PRELID2: variants seen among roughly 807,000 people sequenced by gnomAD.
The protein encoded by PRELID2 is PRELI domain containing 2, also known as PRELI domain-containing protein 2.
In PRELID2, 25 loss-of-function variants were observed where a neutral mutation model predicts 28.4. That is an observed-to-expected ratio of 0.88 (90% CI 0.64 to 1.23). PRELID2 has a LOEUF of 1.23. PRELID2 is among the 50% of genes most tolerant of loss of function. The pLI is 0.00. For synonymous variants in PRELID2, 76 were observed against 71.6 expected, an observed-to-expected ratio of 1.06 and a Z score of -0.31; for missense variants, 201 against 214.4, an observed-to-expected ratio of 0.94 and a Z score of 0.39.
chr5:145,641,717 C>T (rs928842681), intron 1 of PRELID2, among the ~76,000 whole-genome samples: 1 of 152,182 alleles, frequency 6.6e-6, no homozygotes, highest in Non-Finnish European at 1.5e-5. Context: ...TCCCTGTGTT[C>T]CTGTGTTCTC....
At chr5:145,497,646 A>G (rs945506101) in intron 1 of PRELID2, among the ~76,000 whole-genome samples, 3 of 152,198 alleles carry the variant, frequency 2.0e-5, no homozygotes, top group Admixed American at 1.3e-4. Context: ...ACCGATCCAC[A>G]TAGCCATAAA....
At chr5:145,700,890 C>A (rs886965463) in intron 1 of PRELID2, among the ~76,000 whole-genome samples, 1 of 152,298 alleles carries the variant, frequency 6.6e-6, no homozygotes, top group Admixed American at 6.5e-5. Flanking sequence ...CATGGCCATA[C>A]GGACCACAGA....
At chr5:145,258,075 T>A in the PRELID2 span, among the ~76,000 whole-genome samples, 1 of 152,218 alleles carries the variant, frequency 6.6e-6, no homozygotes, top group Non-Finnish European at 1.5e-5. Flanking sequence ...CCTTCCATAA[T>A]TAGAAGCTTC....
the PRELID2 span, among the ~76,000 whole-genome samples, chr5:145,340,919 T>C: frequency 6.0e-5 from 9 of 151,206 alleles, no homozygotes; most frequent in South Asian, 1.7e-3. Flanking sequence ...AGCATCCTAG[T>C]CCCCAGCAAA....
At chr5:145,413,536 T>C in the PRELID2 span, among the ~76,000 whole-genome samples, 3 of 151,984 alleles carry the variant, frequency 2.0e-5, no homozygotes, top group South Asian at 6.2e-4. Flanking sequence ...TGCATGTTGA[T>C]AGCAGCACAA....
intron 1 of PRELID2, among the ~76,000 whole-genome samples, chr5:145,702,519 T>C (rs1165510768): frequency 2.6e-5 from 4 of 152,190 alleles, no homozygotes; most frequent in Non-Finnish European, 5.9e-5. Flanking sequence ...ATGCTTTCTT[T>C]GACATAAATT....
chr5:145,411,608 C>T, the PRELID2 span, among the ~76,000 whole-genome samples: 3 of 152,194 alleles, frequency 2.0e-5, no homozygotes, highest in Non-Finnish European at 4.4e-5. Context: ...CTTTTCCAGG[C>T]ACACAGTGCA....
the PRELID2 span, among the ~76,000 whole-genome samples, chr5:145,242,137 A>G: frequency 1.3e-5 from 2 of 152,046 alleles, no homozygotes; most frequent in Non-Finnish European, 2.9e-5. Flanking sequence ...GTAGAAGGAT[A>G]CCAAAAATGA....
intron 4 of PRELID2, among the ~76,000 whole-genome samples, chr5:145,817,198 A>ATATATATAT (rs1754372530): frequency 8.6e-5 from 6 of 70,080 alleles, no homozygotes; most frequent in Non-Finnish European, 1.6e-4. Flanking sequence ...TTCAAAAAAA[A>ATATATATAT]ATAAATAAAT....
chr5:145,390,971 C>T, the PRELID2 span, among the ~76,000 whole-genome samples: 2 of 152,216 alleles, frequency 1.3e-5, no homozygotes, highest in African/African-American at 2.4e-5. Context: ...TCTCCATTGA[C>T]TCCATGTCTC....
chr5:145,511,357 A>G (rs1297845713), intron 1 of PRELID2, among the ~76,000 whole-genome samples: 4 of 152,242 alleles, frequency 2.6e-5, no homozygotes, highest in African/African-American at 9.6e-5. Flanking sequence ...TCACACTATT[A>G]TATCAGCCCA....
chr5:145,816,898 C>T (rs4334931), intron 4 of PRELID2, among the ~76,000 whole-genome samples: 1 of 151,740 alleles, frequency 6.6e-6, no homozygotes, highest in African/African-American at 2.4e-5. Context: ...CAGTGGATCA[C>T]GCCTGGAATC....
At chr5:145,502,008 G>C (rs1752363641) in intron 1 of PRELID2, among the ~76,000 whole-genome samples, 1 of 152,054 alleles carries the variant, frequency 6.6e-6, no homozygotes, top group African/African-American at 2.4e-5. Flanking sequence ...AAACTGTCTA[G>C]CAGAGGCAGA....
At chr5:145,541,152 G>T (rs958517450) in intron 1 of PRELID2, among the ~76,000 whole-genome samples, 2 of 151,912 alleles carry the variant, frequency 1.3e-5, no homozygotes, top group Non-Finnish European at 2.9e-5. Context: ...AGTTTTTTAT[G>T]CAAAATACAA....
the PRELID2 span, among the ~76,000 whole-genome samples, chr5:145,269,858 A>T: frequency 1.4e-5 from 2 of 145,896 alleles, no homozygotes; most frequent in African/African-American, 2.6e-5. Context: ...ATTCAATTTT[A>T]TATATATACA....
chr5:145,403,417 A>T, the PRELID2 span, among the ~76,000 whole-genome samples: 1 of 152,192 alleles, frequency 6.6e-6, no homozygotes, highest in Non-Finnish European at 1.5e-5. Flanking sequence ...TTGTAAAAGA[A>T]GACGGGGGCA....
chr5:145,274,882 C>T, the PRELID2 span, among the ~76,000 whole-genome samples: 1 of 152,118 alleles, frequency 6.6e-6, no homozygotes, highest in Non-Finnish European at 1.5e-5. Context: ...TTTACTTTCT[C>T]ACAGTTCTGG....
the PRELID2 span, among the ~76,000 whole-genome samples, chr5:145,373,967 T>A: frequency 6.9e-6 from 1 of 144,564 alleles, no homozygotes; most frequent in African/African-American, 2.5e-5. Context: ...TTATAACATA[T>A]AATATATATT....
chr5:145,314,595 T>A, the PRELID2 span, among the ~76,000 whole-genome samples: 55 of 152,170 alleles, frequency 3.6e-4, no homozygotes, highest in Admixed American at 2.0e-3. Context: ...TAAAATTTTT[T>A]AAAATACAGA....
Sources: allele counts gnomAD v4.1 joint callset (sites outside exome capture counted in the v4.1 genomes callset), GRCh38; gene constraint gnomAD v4.1.1; transcripts MANE v1.5; gene names NCBI Gene and HGNC (gene_info 2026-07-23, HGNC 2026-07-21).